The following CPSF3 variants were observed in gnomAD, a reference collection of about 807,000 sequenced individuals.
CPSF3 encodes cleavage and polyadenylation specificity factor subunit 3.
A neutral mutation model predicts 84.1 loss-of-function variants in CPSF3; 57 were observed. That is an observed-to-expected ratio of 0.68 (90% CI 0.55 to 0.85). CPSF3 has a LOEUF of 0.85. CPSF3 is among the 40% of genes least tolerant of loss of function. The pLI is 0.00. For missense variants in CPSF3, 522 were observed against 838.8 expected (o/e 0.62, Z 4.66); for synonymous variants, 275 against 278.1 (o/e 0.99, Z 0.11).
At chr2:9,452,607 C>G (rs1170959380) in intron 11 of CPSF3, among the ~76,000 whole-genome samples, 1 of 152,112 alleles carries the variant, frequency 6.6e-6, no homozygotes, top group Admixed American at 6.6e-5. Flanking sequence ...CCCGGCCTTC[C>G]CTACTGCAGT....
intron 11 of CPSF3, among the ~76,000 whole-genome samples, chr2:9,452,194 T>C (rs933845441): frequency 1.3e-5 from 2 of 151,786 alleles, no homozygotes; most frequent in Non-Finnish European, 2.9e-5. Flanking sequence ...CCGGGCATGG[T>C]GGTAGGTGCC....
At chr2:9,468,697 G>C (rs533356467) in intron 16 of CPSF3, among the ~76,000 whole-genome samples, 117 of 135,256 alleles carry the variant, frequency 8.7e-4, no homozygotes, top group African/African-American at 3.0e-3. Flanking sequence ...CACAATCTCA[G>C]CTCACTGCAA....
chr2:9,457,325 T>G (rs1007113322), intron 14 of CPSF3, among the ~76,000 whole-genome samples: 7 of 152,162 alleles, frequency 4.6e-5, no homozygotes, highest in African/African-American at 1.7e-4. Context: ...AAGTCTTACC[T>G]GATTTTGTGG....
chr2:9,459,877 T>A (rs1163285216), intron 15 of CPSF3, among the ~76,000 whole-genome samples: 1 of 151,854 alleles, frequency 6.6e-6, no homozygotes, highest in African/African-American at 2.4e-5. Flanking sequence ...CTTGAACTCC[T>A]GACCTCGTGA....
intron 9 of CPSF3, 83 bp from the exon 10 acceptor site, chr2:9,443,432 A>G: frequency 7.1e-7 from 1 of 1,405,718 alleles, no homozygotes; most frequent in South Asian, 1.4e-5. Context: ...ACATGAATTT[A>G]TGACTGCATG....
chr2:9,432,541 C>A lies in CPSF3; in HGVS notation c.372C>A (p.Thr124=). The change falls in exon 5 of 18, where the codon ACC becomes ACA. Residue 124 remains threonine (T), a synonymous_variant. Coordinates refer to ENST00000238112, the MANE Select transcript of CPSF3 (RefSeq NM_016207.4). ...SNISADDMLY[T]ETDLEESMDK... Reference sequence around the variant, plus strand: ...TATCAGCAGACGACATGCTGTATACCGAGACAGATTTGGAAGAAAGCATGG... The same window carrying A: ...TATCAGCAGACGACATGCTGTATACAGAGACAGATTTGGAAGAAAGCATGG... 2.6e-6 allele frequency: 4 copies of A among 1,547,594 alleles called. No individual in the cohort carries two copies. The highest frequency in any genetic ancestry group is 2.4e-5 in the South Asian group (2 of 81,638).
intron 17 of CPSF3, 106 bp from the exon 18 acceptor site, chr2:9,472,810 G>A: frequency 2.5e-6 from 2 of 811,646 alleles, no homozygotes; most frequent in Non-Finnish European, 4.1e-6. Context: ...CACCACAGCT[G>A]GCTAATTTTT....
Position 9,471,645 on chromosome 2 carries a change from C to T in CPSF3, c.1953+206C>T, listed in dbSNP as rs78410429. The stretch of plus-strand genomic sequence containing the variant: ...CCGGGTTACTGCATAGTACAAGGTT[C>T]GCGTGTATGCCACTCCATTGCTGTC... On this transcript the variant is annotated intron_variant, in intron 17 of 17. Coordinates refer to ENST00000238112, the MANE Select transcript of CPSF3 (RefSeq NM_016207.4). Among the ~76,000 whole-genome samples the T allele has an allele frequency of 2.5e-3, 377 of 151,918 alleles. 1 individual carries two copies. The highest frequency in any genetic ancestry group is 8.7e-3 in the African/African-American group (362 of 41,410).
chr2:9,459,722 TCA>T, intron 15 of CPSF3, 104 bp downstream of exon 15: 1 of 524,878 alleles, frequency 1.9e-6, no homozygotes, highest in Non-Finnish European at 3.2e-6. Context: ...CGATCTCAGC[TCA>T]CTGCATCCTC....
At chr2:9,427,571 T>C (rs182806282) in intron 1 of CPSF3, among the ~76,000 whole-genome samples, 3 of 152,352 alleles carry the variant, frequency 2.0e-5, no homozygotes, top group Admixed American at 1.3e-4. Flanking sequence ...CAGGAATTTA[T>C]GGCGGCTCTC....
chr2:9,451,418 CT>C (rs952558072), intron 11 of CPSF3, among the ~76,000 whole-genome samples: 13 of 152,260 alleles, frequency 8.5e-5, no homozygotes, highest in African/African-American at 3.1e-4. Context: ...AACACACTAC[CT>C]TTATTCCTTT....
chr2:9,451,597 C>G (rs1681330025), intron 11 of CPSF3, among the ~76,000 whole-genome samples: 1 of 152,002 alleles, frequency 6.6e-6, no homozygotes, highest in Admixed American at 6.6e-5. Flanking sequence ...AACTCCATCT[C>G]TACAAAAAAT....
At position 9,440,546 on chromosome 2, in the gene CPSF3, A is replaced by T. The variant is rs1001396834; in HGVS notation, c.816A>T (p.Ser272=). Residue 272 remains serine (S), a synonymous_variant, in exon 8 of 18, where the codon TCA becomes TCT. Transcript: ENST00000238112. ...ELHDIPIYYA[S]SLAKKCMAVY... ...ATGACATTCCAATATACTATGCATC[A>T]TCTTTGGCCAAGAAGTGTATGGCAG... is the stretch of plus-strand genomic sequence containing the variant. 7 of 1,614,106 alleles carry T rather than the reference A, an allele frequency of 4.3e-6. No homozygotes were observed. The highest frequency in any genetic ancestry group is 5.1e-6 in the Non-Finnish European group (6 of 1,180,044).
chr2:9,438,705 A>G (rs1475763637), intron 7 of CPSF3, among the ~76,000 whole-genome samples: 1 of 151,934 alleles, frequency 6.6e-6, no homozygotes, highest in Admixed American at 6.6e-5. Context: ...CACATTGGCC[A>G]GGCTGGTCTC....
Position 9,444,553 on chromosome 2 carries a change from G to A in CPSF3, c.1242+892G>A, listed in dbSNP as rs574333305. 3.9e-5 allele frequency among the ~76,000 whole-genome samples: 6 copies of A among 152,280 alleles called. No homozygotes were observed. In the South Asian group the frequency reaches 1.2e-3, roughly 32 times the overall value. On this transcript the variant is annotated intron_variant, in intron 10 of 17. Coordinates refer to ENST00000238112, the MANE Select transcript of CPSF3 (RefSeq NM_016207.4). ...AATTAGAAGAACACTAATGAAGCAT[G>A]TGTCCATAGAAAATAGATGACGTGC... is the stretch of plus-strand genomic sequence containing the variant.
intron 1 of CPSF3, 155 bp downstream of exon 1, chr2:9,423,978 T>C: frequency 7.0e-7 from 1 of 1,434,500 alleles, no homozygotes; most frequent in South Asian, 1.5e-5. Flanking sequence ...GCTCGAGGGG[T>C]TGGAGGACCG....
chr2:9,440,060 CT>C (rs1680920079), intron 7 of CPSF3, among the ~76,000 whole-genome samples: 1 of 152,026 alleles, frequency 6.6e-6, no homozygotes, highest in Non-Finnish European at 1.5e-5. Context: ...TGGCAATTCT[CT>C]TTTGTAATTA....
chr2:9,460,695 G>C (rs1310666049), intron 15 of CPSF3, among the ~76,000 whole-genome samples: 2 of 65,682 alleles, frequency 3.0e-5, no homozygotes, highest in Non-Finnish European at 6.2e-5. Context: ...TTTTTTTTTT[G>C]AGACAAAGTC....
At chr2:9,423,864 G>A (rs1680214683) in intron 1 of CPSF3, 41 bp downstream of exon 1, 2 of 1,605,858 alleles carry the variant, frequency 1.2e-6, no homozygotes, top group African/African-American at 1.3e-5. Flanking sequence ...CACGGGCTGT[G>A]AGGGGCGCGA....
Sources: gnomAD v4.1 joint callset for allele counts (sites outside exome capture counted in the v4.1 genomes callset) on GRCh38, gnomAD v4.1.1 for gene constraint, MANE v1.5 for transcripts, NCBI Gene and HGNC (gene_info 2026-07-23, HGNC 2026-07-21) for gene names.